The following LOC400499 variants were observed in gnomAD, a reference collection of about 807,000 sequenced individuals.
chr16:11,469,041 C>T, the LOC400499 span: 3 of 397,312 alleles, frequency 7.6e-6, no homozygotes, highest in Non-Finnish European at 1.3e-5. Context: ...AGAACTAACA[C>T]TTGTTAACTG....
the LOC400499 span, among the ~76,000 whole-genome samples, chr16:11,395,744 C>T: frequency 1.3e-5 from 2 of 152,180 alleles, no homozygotes; most frequent in East Asian, 1.9e-4. Flanking sequence ...ACGAAAGTCA[C>T]GAGGCCAAGT....
the LOC400499 span, among the ~76,000 whole-genome samples, chr16:11,386,663 T>C: frequency 6.6e-6 from 1 of 152,140 alleles, no homozygotes; most frequent in Non-Finnish European, 1.5e-5. Flanking sequence ...GTCCCACAGG[T>C]TAGACTCACC....
At chr16:11,413,961 C>A in the LOC400499 span, among the ~76,000 whole-genome samples, 1 of 152,178 alleles carries the variant, frequency 6.6e-6, no homozygotes, top group Non-Finnish European at 1.5e-5. Flanking sequence ...ACGGTGCCAT[C>A]CTGCCTTTCT....
the LOC400499 span, among the ~76,000 whole-genome samples, chr16:11,522,695 C>T: frequency 7.2e-5 from 11 of 152,270 alleles, no homozygotes; most frequent in Admixed American, 2.0e-4. Flanking sequence ...TTACACAATC[C>T]GCAGCTGGGA....
the LOC400499 span, chr16:11,380,903 C>CACTTCATAG: frequency 1.3e-5 from 2 of 155,872 alleles, no homozygotes; most frequent in Non-Finnish European, 2.9e-5. Context: ...CCTGTCTTGG[C>CACTTCATAG]ACTTCATAGT....
chr16:11,487,028 A>G, the LOC400499 span, among the ~76,000 whole-genome samples: 1 of 151,824 alleles, frequency 6.6e-6, no homozygotes, highest in South Asian at 2.1e-4. Context: ...TGGACAGATG[A>G]GCAGGTCAGT....
the LOC400499 span, among the ~76,000 whole-genome samples, chr16:11,395,720 C>T: frequency 6.6e-6 from 1 of 152,224 alleles, no homozygotes; most frequent in Non-Finnish European, 1.5e-5. Context: ...GAGGGGAAGA[C>T]TGAGGCTCAG....
chr16:11,481,129 C>G, the LOC400499 span, among the ~76,000 whole-genome samples: 284 of 152,302 alleles, frequency 1.9e-3, no homozygotes, highest in African/African-American at 6.5e-3. Context: ...GTTCCATTTA[C>G]ATGAAATATC....
the LOC400499 span, among the ~76,000 whole-genome samples, chr16:11,526,293 T>C: frequency 6.6e-6 from 1 of 152,216 alleles, no homozygotes; most frequent in Non-Finnish European, 1.5e-5. Flanking sequence ...ACTTTCAGCC[T>C]GGTGCAGTGG....
the LOC400499 span, chr16:11,447,974 C>G: frequency 1.3e-6 from 2 of 1,536,074 alleles, no homozygotes; most frequent in Non-Finnish European, 1.7e-6. Flanking sequence ...AATGTCCTGT[C>G]TTGCCTCAGC....
At chr16:11,378,258 T>C in the LOC400499 span, among the ~76,000 whole-genome samples, 240 of 128,980 alleles carry the variant, frequency 1.9e-3, no homozygotes, top group African/African-American at 6.3e-3. Context: ...TTTCTTTTTT[T>C]TTTTTTTTGC....
At chr16:11,401,915 G>T in the LOC400499 span, 3 of 398,004 alleles carry the variant, frequency 7.5e-6, no homozygotes, top group Non-Finnish European at 8.9e-6. Flanking sequence ...TTGGGGATGT[G>T]GTACAGCCTC....
chr16:11,373,284 G>C, the LOC400499 span, among the ~76,000 whole-genome samples: 1 of 152,336 alleles, frequency 6.6e-6, no homozygotes, highest in Middle Eastern at 3.4e-3. Flanking sequence ...TGGACACTCA[G>C]AGCTACCAGG....
At chr16:11,378,075 C>G in the LOC400499 span, among the ~76,000 whole-genome samples, 2 of 152,004 alleles carry the variant, frequency 1.3e-5, no homozygotes, top group Admixed American at 6.6e-5. Flanking sequence ...TTTCTAATAA[C>G]TTAAGGTAGA....
chr16:11,493,333 G>A, the LOC400499 span, among the ~76,000 whole-genome samples: 243 of 152,306 alleles, frequency 1.6e-3, no homozygotes, highest in Middle Eastern at 3.4e-3. Context: ...CCTGTGTTCC[G>A]ATAAAACTTT....
chr16:11,398,238 T>C, the LOC400499 span: 281 of 969,902 alleles, frequency 2.9e-4, no homozygotes, highest in Non-Finnish European at 3.4e-4. Flanking sequence ...GATGGTGGCG[T>C]CTGGCTGCCT....
the LOC400499 span, among the ~76,000 whole-genome samples, chr16:11,387,693 T>C: frequency 6.6e-6 from 1 of 152,058 alleles, no homozygotes; most frequent in African/African-American, 2.4e-5. Context: ...AGTGGCACAA[T>C]CTCAACTCAC....
the LOC400499 span, chr16:11,425,307 G>C: frequency 1.8e-5 from 7 of 399,104 alleles, no homozygotes; most frequent in Admixed American, 4.4e-5. Flanking sequence ...TCCAGGCAAG[G>C]CCTGGCTGCT....
At chr16:11,378,887 G>A in the LOC400499 span, among the ~76,000 whole-genome samples, 1 of 152,174 alleles carries the variant, frequency 6.6e-6, no homozygotes, top group Admixed American at 6.5e-5. Flanking sequence ...TGTCTGTGTG[G>A]TAGGTCCAAC....
Sources: allele counts gnomAD v4.1 joint callset (sites outside exome capture counted in the v4.1 genomes callset), GRCh38; gene constraint gnomAD v4.1.1; transcripts MANE v1.5.